Variants in LRRC18 observed in about 807,000 individuals in gnomAD.
LRRC18 encodes leucine rich repeat containing 18, also known as leucine-rich repeat-containing protein 18.
Under a neutral mutation model 11.2 loss-of-function variants are expected in LRRC18, and 12 were observed. The observed-to-expected ratio is 1.07, with a 90% CI of 0.69 to 1.74. The LOEUF (loss-of-function observed/expected upper bound fraction) is 1.74, where lower values mean the gene tolerates loss of function less well. Ranked by LOEUF, LRRC18 falls within the 40% of genes most tolerant of loss-of-function variation. The probability of loss-of-function intolerance (pLI) is 0.00; values close to 1 mark genes in which losing one functional copy is unlikely to be tolerated. For missense variants in LRRC18, 374 were observed against 330.5 expected (o/e 1.13, Z -1.02); for synonymous variants, 155 against 130.6 (o/e 1.19, Z -1.27).
the LRRC18 span, among the ~76,000 whole-genome samples, chr10:48,934,769 G>A: frequency 2.6e-5 from 4 of 152,186 alleles, no homozygotes; most frequent in African/African-American, 9.7e-5. Context: ...AGGGGTGACT[G>A]GTCGGGTGAA....
chr10:48,922,688 G>A, the LRRC18 span, among the ~76,000 whole-genome samples: 1 of 152,246 alleles, frequency 6.6e-6, no homozygotes, highest in African/African-American at 2.4e-5. Context: ...GGGTAAGCGA[G>A]GACTGTGGTA....
chr10:48,916,392 T>G (rs1169653392), upstream of LRRC18, among the ~76,000 whole-genome samples: 3 of 152,200 alleles, frequency 2.0e-5, no homozygotes, highest in East Asian at 5.8e-4. Context: ...GTTTGTTTGC[T>G]TGCTTGCTTC....
the LRRC18 span, among the ~76,000 whole-genome samples, chr10:48,924,784 T>C: frequency 6.6e-6 from 1 of 152,246 alleles, no homozygotes; most frequent in Non-Finnish European, 1.5e-5. Context: ...CATCCAAATA[T>C]TTGCAAGCAT....
chr10:48,913,556 A>G (rs1160737824), exon 1 of LRRC18: 1 of 1,613,632 alleles, frequency 6.2e-7, no homozygotes, highest in Non-Finnish European at 8.5e-7. Context: ...TCTCCTCCAC[A>G]ACATACAAGT....
intron 1 of LRRC18, among the ~76,000 whole-genome samples, chr10:48,911,163 A>G (rs1006376445): frequency 9.2e-5 from 14 of 152,188 alleles, no homozygotes; most frequent in African/African-American, 2.9e-4. Context: ...CTATACCTAC[A>G]GCATGGTGTC....
the LRRC18 span, among the ~76,000 whole-genome samples, chr10:48,936,009 A>C: frequency 6.6e-6 from 1 of 152,202 alleles, no homozygotes; most frequent in Admixed American, 6.5e-5. Flanking sequence ...GCATTGGAAA[A>C]AAATTTGAAA....
At chr10:48,915,857 T>C (rs764728905), upstream of LRRC18, among the ~76,000 whole-genome samples, 2 of 152,196 alleles carry the variant, frequency 1.3e-5, no homozygotes, top group Non-Finnish European at 2.9e-5. Context: ...GACCCTAGTC[T>C]TTAAAAATAG....
chr10:48,927,512 T>C, the LRRC18 span, among the ~76,000 whole-genome samples: 1 of 152,228 alleles, frequency 6.6e-6, no homozygotes, highest in Non-Finnish European at 1.5e-5. Flanking sequence ...GGAGTGTCTG[T>C]ATAAAAATTC....
chr10:48,928,314 G>A, the LRRC18 span, among the ~76,000 whole-genome samples: 7 of 151,806 alleles, frequency 4.6e-5, no homozygotes, highest in Non-Finnish European at 8.8e-5. Flanking sequence ...CCAAGGTCAG[G>A]GGAGGGCAAT....
chr10:48,931,569 A>G, the LRRC18 span, among the ~76,000 whole-genome samples: 2 of 152,336 alleles, frequency 1.3e-5, no homozygotes, highest in East Asian at 3.9e-4. Flanking sequence ...TGCAACCTCC[A>G]TCCAGAGGTG....
chr10:48,934,729 G>A, the LRRC18 span, among the ~76,000 whole-genome samples: 68 of 152,308 alleles, frequency 4.5e-4, no homozygotes, highest in South Asian at 2.5e-3. Context: ...CCTCCTGAAC[G>A]AAGAAGCAGT....
chr10:48,933,168 C>A, the LRRC18 span, among the ~76,000 whole-genome samples: 3 of 152,134 alleles, frequency 2.0e-5, no homozygotes, highest in Admixed American at 2.0e-4. Flanking sequence ...ATGGAACATT[C>A]TTCTAGATTG....
chr10:48,927,667 T>C, the LRRC18 span, among the ~76,000 whole-genome samples: 1 of 152,238 alleles, frequency 6.6e-6, no homozygotes, highest in African/African-American at 2.4e-5. Flanking sequence ...GCTCTGCACA[T>C]GTGCTGCCTG....
At chr10:48,913,362 C>G (rs80176262) in intron 1 of LRRC18, 30 bp downstream of exon 3, 1 of 1,594,246 alleles carries the variant, frequency 6.3e-7, no homozygotes. Context: ...CTCTCTTTCC[C>G]TTCTGCCTCA....
At chr10:48,910,097 G>A (rs144778976) in exon 2 of LRRC18, 274 of 737,092 alleles carry the variant, frequency 3.7e-4, no homozygotes, top group African/African-American at 3.6e-3. Flanking sequence ...GAAGCAAGTC[G>A]GTGGCTTGGC....
chr10:48,923,688 C>G, the LRRC18 span, among the ~76,000 whole-genome samples: 1 of 151,814 alleles, frequency 6.6e-6, no homozygotes, highest in Non-Finnish European at 1.5e-5. Context: ...ACCCTCTGAG[C>G]AACACAGATA....
the LRRC18 span, among the ~76,000 whole-genome samples, chr10:48,931,075 A>T: frequency 1.5e-5 from 2 of 133,772 alleles, no homozygotes; most frequent in African/African-American, 5.4e-5. Flanking sequence ...ACAAACACAC[A>T]TGCATGCACA....
chr10:48,927,536 A>T, the LRRC18 span, among the ~76,000 whole-genome samples: 1 of 152,172 alleles, frequency 6.6e-6, no homozygotes, highest in African/African-American at 2.4e-5. Flanking sequence ...GGTTCACTTC[A>T]TTTGGCAATT....
At chr10:48,920,943 C>A in the LRRC18 span, among the ~76,000 whole-genome samples, 1 of 151,936 alleles carries the variant, frequency 6.6e-6, no homozygotes, top group East Asian at 1.9e-4. Flanking sequence ...ACATAAATAA[C>A]CAAAATATGC....
Sources: allele counts gnomAD v4.1 joint callset (sites outside exome capture counted in the v4.1 genomes callset), GRCh38; gene constraint gnomAD v4.1.1; transcripts MANE v1.5; gene names NCBI Gene and HGNC (gene_info 2026-07-23, HGNC 2026-07-21).